GRIK2: variants seen among roughly 807,000 people sequenced by gnomAD.
GRIK2 encodes glutamate receptor ionotropic, kainate 2.
A neutral mutation model predicts 100.3 loss-of-function variants in GRIK2; 32 were observed. The ratio of observed to expected loss-of-function variants is 0.32; its 90% confidence interval spans 0.24 to 0.43. GRIK2 has a LOEUF of 0.43. Among genes scored for constraint, GRIK2 ranks in the 20% least tolerant of loss-of-function variants. The pLI is 1.00. For synonymous variants in GRIK2, 417 were observed against 389.4 expected, an observed-to-expected ratio of 1.07 and a Z score of -0.83; for missense variants, 843 against 1,114.9, an observed-to-expected ratio of 0.76 and a Z score of 3.47.
At chr6:101,803,836 A>G (rs1028153054) in intron 9 of GRIK2, among the ~76,000 whole-genome samples, 1 of 151,936 alleles carries the variant, frequency 6.6e-6, no homozygotes, top group African/African-American at 2.4e-5. Flanking sequence ...ATTGTGGCTT[A>G]CAGATACGCC....
intron 4 of GRIK2, among the ~76,000 whole-genome samples, chr6:101,660,489 C>A (rs1252078867): frequency 2.0e-5 from 3 of 152,160 alleles, no homozygotes; most frequent in Non-Finnish European, 4.4e-5. Context: ...TCATCAAACT[C>A]ATTCTCTTCC....
chr6:101,764,092 T>A (rs761542374), intron 7 of GRIK2, among the ~76,000 whole-genome samples: 8 of 152,048 alleles, frequency 5.3e-5, no homozygotes, highest in Non-Finnish European at 1.2e-4. Flanking sequence ...GTATTCACTG[T>A]CTCTCTCTCT....
At chr6:102,001,549 T>G (rs751700334) in intron 14 of GRIK2, among the ~76,000 whole-genome samples, 1 of 152,132 alleles carries the variant, frequency 6.6e-6, no homozygotes, top group Non-Finnish European at 1.5e-5. Flanking sequence ...TTCTTTTTTA[T>G]GACTACATAG....
At chr6:101,765,679 G>A (rs1778004186) in intron 7 of GRIK2, among the ~76,000 whole-genome samples, 1 of 152,098 alleles carries the variant, frequency 6.6e-6, no homozygotes, top group Non-Finnish European at 1.5e-5. Flanking sequence ...CCTTCAAGGA[G>A]TGTTTTCTTA....
At chr6:101,820,534 C>T (rs1269780613) in intron 10 of GRIK2, among the ~76,000 whole-genome samples, 1 of 152,152 alleles carries the variant, frequency 6.6e-6, no homozygotes, top group Non-Finnish European at 1.5e-5. Flanking sequence ...CAAACTCCAC[C>T]TCCCAGGTTC....
intron 4 of GRIK2, among the ~76,000 whole-genome samples, chr6:101,662,458 G>A (rs116919362): frequency 0.01 from 1,570 of 152,154 alleles, 14 homozygotes; most frequent in Middle Eastern, 0.034. Flanking sequence ...CCTGAATTAT[G>A]TTTTAACTGA....
chr6:101,947,146 G>A (rs948206328), intron 14 of GRIK2, among the ~76,000 whole-genome samples: 5 of 152,164 alleles, frequency 3.3e-5, no homozygotes, highest in Non-Finnish European at 7.4e-5. Context: ...CATGCCTAAA[G>A]TTTAATCAAG....
chr6:101,850,484 G>C (rs1044211022), intron 10 of GRIK2, among the ~76,000 whole-genome samples: 1 of 151,826 alleles, frequency 6.6e-6, no homozygotes, highest in South Asian at 2.1e-4. Context: ...ATATCTCAGG[G>C]TTAACATATG....
intron 11 of GRIK2, among the ~76,000 whole-genome samples, chr6:101,868,791 GA>G (rs1002414066): frequency 5.3e-5 from 8 of 151,658 alleles, no homozygotes; most frequent in African/African-American, 1.5e-4. Context: ...AGAAATTTCA[GA>G]AAAAAATTGC....
chr6:101,493,378 T>G (rs1030202140), intron 2 of GRIK2, among the ~76,000 whole-genome samples: 2 of 151,988 alleles, frequency 1.3e-5, no homozygotes, highest in Non-Finnish European at 2.9e-5. Context: ...AAATACAGAA[T>G]GCCTACAAAG....
intron 4 of GRIK2, among the ~76,000 whole-genome samples, chr6:101,653,746 A>T (rs113554400): frequency 6.6e-6 from 1 of 151,812 alleles, no homozygotes; most frequent in Admixed American, 6.6e-5. Flanking sequence ...CAGCCTCCTG[A>T]GTAGCTGGGA....
chr6:101,468,345 A>T (rs1393493252), intron 2 of GRIK2, among the ~76,000 whole-genome samples: 1 of 152,182 alleles, frequency 6.6e-6, no homozygotes, highest in African/African-American at 2.4e-5. Context: ...CTTCACATGA[A>T]AACATTCAGT....
In GRIK2 at chr6:101,557,457, C is replaced by T. The variant is rs117046022; in HGVS notation, c.116-64492C>T. On this transcript the variant is annotated intron_variant, in intron 2 of 16. Coordinates refer to ENST00000369134, the MANE Select transcript of GRIK2 (RefSeq NM_021956.5). ...TTTTGTTAACTAAACACCTATTATG[C>T]ACAAAAGAGATGTGAGGCTTATTAT... is the stretch of plus-strand genomic sequence containing the variant. Among the ~76,000 whole-genome samples the T allele has an allele frequency of 6.6e-3, 1,009 of 152,276 alleles. 10 individuals carry two copies. Among genetic ancestry groups the T allele is most frequent in the South Asian group, 0.026 (124 of 4,826 alleles).
chr6:101,851,767 C>G (rs1481589438), intron 10 of GRIK2, among the ~76,000 whole-genome samples: 5 of 62,134 alleles, frequency 8.0e-5, no homozygotes, highest in African/African-American at 2.8e-4. Context: ...GTGGCTAATC[C>G]CAGTTAACTA....
intron 7 of GRIK2, among the ~76,000 whole-genome samples, chr6:101,768,027 T>A (rs1749547711): frequency 9.2e-5 from 14 of 151,826 alleles, no homozygotes; most frequent in Admixed American, 9.2e-4. Context: ...CCTGGCTAAT[T>A]TTTGTATTTT....
chr6:101,937,243 G>A (rs1042592636), intron 14 of GRIK2, among the ~76,000 whole-genome samples: 4 of 152,108 alleles, frequency 2.6e-5, no homozygotes, highest in African/African-American at 9.7e-5. Context: ...AGTATGCTAT[G>A]GTTCTCTCCC....
chr6:101,819,037 G>C (rs1465161650), intron 10 of GRIK2, among the ~76,000 whole-genome samples: 1 of 152,084 alleles, frequency 6.6e-6, no homozygotes, highest in Non-Finnish European at 1.5e-5. Context: ...TTTCAGCACT[G>C]ACAGACTTAA....
At chr6:101,580,072 T>C (rs1320049948) in intron 2 of GRIK2, among the ~76,000 whole-genome samples, 2 of 152,122 alleles carry the variant, frequency 1.3e-5, no homozygotes, top group Non-Finnish European at 2.9e-5. Flanking sequence ...ACAACTTTTT[T>C]TCTCAAATGA....
intron 4 of GRIK2, among the ~76,000 whole-genome samples, chr6:101,650,892 G>C (rs553975193): frequency 6.6e-6 from 1 of 151,784 alleles, no homozygotes; most frequent in Admixed American, 6.6e-5. Context: ...AACAGCCATC[G>C]CATATGCATT....
Sources: allele counts gnomAD v4.1 joint callset (sites outside exome capture counted in the v4.1 genomes callset), GRCh38; gene constraint gnomAD v4.1.1; transcripts MANE v1.5; gene names NCBI Gene and HGNC (gene_info 2026-07-23, HGNC 2026-07-21).